SPATA3: variants seen among roughly 807,000 people sequenced by gnomAD.
SPATA3 encodes the protein spermatogenesis associated 3.
SPATA3 carries 6 observed loss-of-function variants against 5.7 expected under a neutral mutation model. The observed-to-expected ratio is 1.06, with a 90% confidence interval of 0.58 to 2.09. The LOEUF (loss-of-function observed/expected upper bound fraction) is 2.09. Among genes scored for constraint, SPATA3 ranks in the 30% most tolerant of loss-of-function variants. The probability of loss-of-function intolerance (pLI) is 0.00; values close to 1 mark genes in which losing one functional copy is unlikely to be tolerated. For synonymous variants in SPATA3, 44 were observed against 48.4 expected, an observed-to-expected ratio of 0.91 and a Z score of 0.37; for missense variants, 155 against 130.4, an observed-to-expected ratio of 1.19 and a Z score of -0.92.
chr2:231,013,472 T>C (rs1367172165), intron 5 of SPATA3, among the ~76,000 whole-genome samples: 1 of 152,192 alleles, frequency 6.6e-6, no homozygotes, highest in Non-Finnish European at 1.5e-5. Context: ...GACATTCAGA[T>C]TGGTTCCAGT....
downstream of SPATA3, among the ~76,000 whole-genome samples, chr2:231,009,135 C>T (rs149466213): frequency 2.8e-3 from 430 of 152,298 alleles, 1 homozygote; most frequent in Admixed American, 4.6e-3. Context: ...AAATGATTCT[C>T]CAACTGCAGT....
chr2:231,004,995 T>TCACCAA (rs1692489908), downstream of SPATA3, among the ~76,000 whole-genome samples: 1 of 33,076 alleles, frequency 3.0e-5, no homozygotes, highest in Admixed American at 2.5e-4. Flanking sequence ...ATCACCATCC[T>TCACCAA]CACCATCATC....
Position 231,012,427 on chromosome 2 carries a change from T to TG in SPATA3, c.*119-163_*119-162insG, listed in dbSNP as rs575078268. 5.9e-3 allele frequency among the ~76,000 whole-genome samples: 898 copies of TG among 152,300 alleles called. 6 individuals carry two copies. The highest frequency in any genetic ancestry group is 0.021 in the African/African-American group (855 of 41,546). On this transcript the variant is annotated intron_variant, in intron 4 of 8. Coordinates refer to the SPATA3 transcript ENST00000452881. ...TTTCTCCTCCTCTGTTCTGCCCTTC[T>TG]CCTGCCTGCCACTGCCAGCAGTCAA... is the stretch of plus-strand genomic sequence containing the variant.
downstream of SPATA3, among the ~76,000 whole-genome samples, chr2:231,007,549 C>G (rs943758448): frequency 1.3e-5 from 2 of 152,240 alleles, no homozygotes; most frequent in African/African-American, 4.8e-5. Context: ...AGTTAGTCAT[C>G]TGCACCTCTG....
chr2:231,006,223 C>T (rs1310784429), downstream of SPATA3, among the ~76,000 whole-genome samples: 9 of 140,924 alleles, frequency 6.4e-5, no homozygotes, highest in Non-Finnish European at 9.1e-5. Flanking sequence ...AAAAAAAGGC[C>T]GGGTGTGGTG....
chr2:231,009,801 A>ACT (rs34389946), downstream of SPATA3, among the ~76,000 whole-genome samples: 52,632 of 152,086 alleles, frequency 0.35, 9,268 homozygotes, highest in Non-Finnish European at 0.37. Flanking sequence ...CACATTGCAG[A>ACT]CTCATGAATG....
At chr2:231,014,927 T>C (rs13028140) in intron 6 of SPATA3, among the ~76,000 whole-genome samples, 66,342 of 152,028 alleles carry the variant, frequency 0.44, 15,615 homozygotes, top group African/African-American at 0.59. Flanking sequence ...TCTCTGCCTC[T>C]TCAGAGCAAA....
rs780230805 is a variant in SPATA3, at chr2:231,002,713, G to A, written c.992G>A (p.Arg331His). The stretch of plus-strand genomic sequence containing the variant: ...TCTTCAAGAAAACCCTCCAGTCATC[G>A]TAACGCGTGTCCTCCAAGCCCTCGG... Residue 331 changes from arginine (R) to histidine (H), a missense_variant, in exon 3 of 3, where the codon CGT becomes CAT. By Grantham distance (29) the Arg-to-His change is conservative. Coordinates refer to ENST00000645363, the Ensembl canonical transcript of SPATA3. 7.1e-5 allele frequency: 109 copies of A among 1,526,622 alleles called. 1 individual carries two copies. The South Asian group carries it at 7.6e-4, about 11-fold the overall frequency. 94.6% of individuals were successfully genotyped at this position (1,526,622 alleles called of 1,614,324 possible).
chr2:231,006,000 CA>C (rs35868663), downstream of SPATA3, among the ~76,000 whole-genome samples: 2,608 of 124,206 alleles, frequency 0.021, 78 homozygotes, highest in African/African-American at 0.072. Flanking sequence ...CTTGTCTCTA[CA>C]AAAAAAAAAA....
rs201741284 is a variant in SPATA3, at chr2:231,002,750, T to A, written c.1029T>A (p.Cys343Ter). Residue 343 changes from cysteine (C) to a stop codon, truncating the protein, a stop_gained, in exon 3 of 3, where the codon TGT becomes TGA. Coordinates refer to ENST00000645363, the Ensembl canonical transcript of SPATA3. LOFTEE classifies it high-confidence loss of function. ...CTCCAAGCCCTCGGAACTGTGGCTGTGGCTCTGGGGGCTCTAGGAGCTGCC... is the reference window on the plus strand; with the variant it reads ...CTCCAAGCCCTCGGAACTGTGGCTGAGGCTCTGGGGGCTCTAGGAGCTGCC... The A allele has an allele frequency of 6.5e-7, 1 of 1,531,944 alleles. No individual in the cohort carries two copies. The highest frequency in any genetic ancestry group is 2.1e-5 in the Admixed American group (1 of 48,574). The allele number at this position is 1,531,944 out of a possible 1,614,324, so 94.9% of individuals were successfully genotyped here. A position where few individuals can be genotyped will look rare whatever the true frequency, so the allele number is the denominator to read the frequency against.
At chr2:231,002,108 A>G (rs1235241254) in intron 2 of SPATA3, among the ~76,000 whole-genome samples, 2 of 152,202 alleles carry the variant, frequency 1.3e-5, no homozygotes, top group Non-Finnish European at 2.9e-5. Context: ...CAATTTTAGC[A>G]CTGGCATGCT....
At chr2:231,011,529 A>C (rs777130315), downstream of SPATA3, among the ~76,000 whole-genome samples, 40 of 152,346 alleles carry the variant, frequency 2.6e-4, no homozygotes, top group Admixed American at 9.2e-4. Flanking sequence ...TGCCAGGGAC[A>C]CAGGACCAGA....
At chr2:231,011,207 C>T (rs1407285083), downstream of SPATA3, among the ~76,000 whole-genome samples, 2 of 152,038 alleles carry the variant, frequency 1.3e-5, no homozygotes, top group Admixed American at 6.6e-5. Flanking sequence ...CTCCACCTCC[C>T]GGGTTCAAGC....
intron 1 of SPATA3, among the ~76,000 whole-genome samples, chr2:230,998,259 A>G (rs571320371): frequency 2.0e-5 from 3 of 152,382 alleles, no homozygotes; most frequent in South Asian, 2.1e-4. Context: ...TGCCATGCCA[A>G]TGATCCTTCC....
chr2:231,005,268 T>C (rs1271048105), downstream of SPATA3, among the ~76,000 whole-genome samples: 19 of 40,622 alleles, frequency 4.7e-4, no homozygotes, highest in African/African-American at 6.0e-4. Context: ...ATCATTACCA[T>C]CATCACCATC....
chr2:231,011,099 AAG>A (rs1462628016), downstream of SPATA3, among the ~76,000 whole-genome samples: 3 of 133,982 alleles, frequency 2.2e-5, no homozygotes, highest in African/African-American at 3.4e-5. Flanking sequence ...AGAAAAGAAA[AAG>A]AAAGCCATCA....
chr2:231,002,246 T>G (rs1692379931), intron 2 of SPATA3, among the ~76,000 whole-genome samples: 1 of 152,250 alleles, frequency 6.6e-6, no homozygotes, highest in Non-Finnish European at 1.5e-5. Context: ...CTCACAATTA[T>G]TGCCTTAGTC....
At chr2:231,012,308 G>A (rs1692809272) in intron 4 of SPATA3, among the ~76,000 whole-genome samples, 1 of 152,208 alleles carries the variant, frequency 6.6e-6, no homozygotes, top group South Asian at 2.1e-4. Flanking sequence ...GAATGGAGAA[G>A]CCCACTTGTC....
downstream of SPATA3, among the ~76,000 whole-genome samples, chr2:231,003,061 C>T (rs1692416652): frequency 6.6e-6 from 1 of 152,158 alleles, no homozygotes. Context: ...GTCATGGACC[C>T]TGGACAAGAG....
Sources: gnomAD v4.1 joint callset for allele counts (sites outside exome capture counted in the v4.1 genomes callset) on GRCh38, gnomAD v4.1.1 for gene constraint, MANE v1.5 for transcripts, NCBI Gene and HGNC (gene_info 2026-07-23, HGNC 2026-07-21) for gene names.